The following RASAL2 variants were observed in gnomAD, a reference collection of about 807,000 sequenced individuals.
RASAL2 encodes ras GTPase-activating protein nGAP.
RASAL2 carries 58 observed loss-of-function variants against 128.9 expected under a neutral mutation model. The observed-to-expected ratio is 0.45, with a 90% CI of 0.36 to 0.56. The LOEUF is 0.56. RASAL2 is among the 20% of genes least tolerant of loss of function. The pLI is 0.00. For missense variants in RASAL2, 1,360 were observed against 1,601.6 expected (o/e 0.85, Z 2.57); for synonymous variants, 561 against 580.8 (o/e 0.97, Z 0.49).
At chr1:178,170,696 A>G (rs12059127) in intron 1 of RASAL2, among the ~76,000 whole-genome samples, 16,552 of 151,432 alleles carry the variant, frequency 0.11, 1,158 homozygotes, top group African/African-American at 0.19. Flanking sequence ...TATATATTAT[A>G]TATCCATGAG....
chr1:178,301,090 ATT>A (rs1667742552), intron 3 of RASAL2, among the ~76,000 whole-genome samples: 1 of 152,174 alleles, frequency 6.6e-6, no homozygotes. Flanking sequence ...TTTGGCTGGA[ATT>A]TGAATCCTTT....
chr1:178,284,067 T>C (rs566681905), intron 2 of RASAL2, among the ~76,000 whole-genome samples: 11 of 152,294 alleles, frequency 7.2e-5, no homozygotes, highest in African/African-American at 2.6e-4. Flanking sequence ...AGAGGTTTAT[T>C]GGAGGGACTA....
rs533480115 is a variant in RASAL2 at position 178,346,577 on chromosome 1, G to C, written c.458-43523G>C. On this transcript the variant is annotated intron_variant, in intron 3 of 17. Transcript: ENST00000367649. ...ATCATTTACTTGCTGGGGTATAATT[G>C]CTGAAATTTTGAAATATGCTTTTAG... is the stretch of plus-strand genomic sequence containing the variant. Among the ~76,000 whole-genome samples the C allele has an allele frequency of 3.7e-4, 57 of 152,160 alleles. No individual in the cohort carries two copies. The South Asian group carries it at 0.012, about 31-fold the overall frequency.
chr1:178,267,613 A>T (rs1003223062), intron 1 of RASAL2, among the ~76,000 whole-genome samples: 4 of 141,698 alleles, frequency 2.8e-5, no homozygotes, highest in Non-Finnish European at 6.0e-5. Flanking sequence ...AACGTATCAG[A>T]TCTAGTGTCT....
chr1:178,263,368 C>T lies in RASAL2; in HGVS notation c.203-20196C>T, dbSNP rs560556836. On this transcript the variant is annotated intron_variant, in intron 1 of 17. Transcript: ENST00000367649. ...CACCACATTCCTACATAGTAGAAAC[C>T]ACATTATTCCATTTTAAAGATGAGA... 2.0e-5 allele frequency among the ~76,000 whole-genome samples: 3 copies of T among 152,224 alleles called. No homozygotes were observed. The East Asian group carries it at 5.8e-4, about 29-fold the overall frequency.
chr1:178,102,141 A>T (rs901220727), intron 1 of RASAL2, among the ~76,000 whole-genome samples: 1 of 152,126 alleles, frequency 6.6e-6, no homozygotes, highest in Non-Finnish European at 1.5e-5. Flanking sequence ...CCTGAATAAT[A>T]CCTAATAACT....
intron 8 of RASAL2, among the ~76,000 whole-genome samples, chr1:178,444,354 A>G (rs1676858345): frequency 1.3e-5 from 2 of 152,260 alleles, no homozygotes; most frequent in East Asian, 1.9e-4. Context: ...GTTACCCCCA[A>G]GAGTTTCCTC....
chr1:178,322,736 A>C (rs1668851370), intron 3 of RASAL2, among the ~76,000 whole-genome samples: 2 of 152,212 alleles, frequency 1.3e-5, no homozygotes, highest in Non-Finnish European at 2.9e-5. Context: ...CACTAATTGA[A>C]TCATACTACT....
At chr1:178,201,078 G>A (rs1301479069) in intron 1 of RASAL2, among the ~76,000 whole-genome samples, 2 of 152,050 alleles carry the variant, frequency 1.3e-5, no homozygotes, top group Admixed American at 6.5e-5. Context: ...TGCTACACTC[G>A]AAAAAAACTG....
At chr1:178,359,023 T>C (rs1670969658) in intron 3 of RASAL2, among the ~76,000 whole-genome samples, 1 of 152,178 alleles carries the variant, frequency 6.6e-6, no homozygotes, top group African/African-American at 2.4e-5. Flanking sequence ...ATGAGTAATA[T>C]AATATTTAAA....
At chr1:178,366,031 G>A (rs554669822) in intron 3 of RASAL2, among the ~76,000 whole-genome samples, 1 of 152,224 alleles carries the variant, frequency 6.6e-6, no homozygotes, top group African/African-American at 2.4e-5. Context: ...TCATGGAGTA[G>A]CATGCCTAAT....
intron 3 of RASAL2, among the ~76,000 whole-genome samples, chr1:178,341,045 T>C (rs1000649367): frequency 6.6e-5 from 10 of 152,330 alleles, no homozygotes; most frequent in Admixed American, 1.3e-4. Context: ...AAGATAGTAA[T>C]GTATATGTGT....
intron 4 of RASAL2, among the ~76,000 whole-genome samples, chr1:178,390,551 G>A (rs1672842761): frequency 6.6e-6 from 1 of 151,924 alleles, no homozygotes; most frequent in Admixed American, 6.6e-5. Context: ...GCTAATTTTT[G>A]TATTTTTAGT....
chr1:178,111,678 T>C (rs1659327927), intron 1 of RASAL2, among the ~76,000 whole-genome samples: 1 of 152,224 alleles, frequency 6.6e-6, no homozygotes, highest in South Asian at 2.1e-4. Flanking sequence ...GCTTTTCATA[T>C]GCTTATTGGA....
At chr1:178,359,688 G>A (rs975334086) in intron 3 of RASAL2, among the ~76,000 whole-genome samples, 67 of 152,282 alleles carry the variant, frequency 4.4e-4, no homozygotes, top group African/African-American at 1.5e-3. Flanking sequence ...AAGCAAGGCA[G>A]CAACTTACTA....
intron 1 of RASAL2, among the ~76,000 whole-genome samples, chr1:178,095,667 T>C (rs1658651539): frequency 6.6e-6 from 1 of 152,228 alleles, no homozygotes; most frequent in Non-Finnish European, 1.5e-5. Flanking sequence ...TTCATCTTTC[T>C]GAACAGGGTA....
intron 3 of RASAL2, among the ~76,000 whole-genome samples, chr1:178,354,481 T>C (rs1415567018): frequency 6.6e-6 from 1 of 152,068 alleles, no homozygotes; most frequent in Non-Finnish European, 1.5e-5. Flanking sequence ...GTATTGGAGG[T>C]CTCAATCAAT....
chr1:178,150,416 C>T (rs1026261998), intron 1 of RASAL2, among the ~76,000 whole-genome samples: 9 of 152,046 alleles, frequency 5.9e-5, no homozygotes, highest in Admixed American at 5.2e-4. Flanking sequence ...AAACTCCTGA[C>T]CTCAGGTGAT....
intron 4 of RASAL2, among the ~76,000 whole-genome samples, chr1:178,395,771 GTATATA>G (rs57664965): frequency 2.3e-5 from 3 of 133,020 alleles, no homozygotes; most frequent in East Asian, 2.0e-4. Flanking sequence ...TTAATGAACA[GTATATA>G]TATATATATA....
Sources: allele counts gnomAD v4.1 joint callset (sites outside exome capture counted in the v4.1 genomes callset), GRCh38; gene constraint gnomAD v4.1.1; transcripts MANE v1.5; gene names NCBI Gene and HGNC (gene_info 2026-07-23, HGNC 2026-07-21).